TASOR2: variants seen among roughly 807,000 people sequenced by gnomAD.
TASOR2 encodes the protein protein TASOR 2.
Under a neutral mutation model 199.5 loss-of-function variants are expected in TASOR2, and 84 were observed. That is an observed-to-expected ratio of 0.42 (90% CI 0.35 to 0.50). The LOEUF (loss-of-function observed/expected upper bound fraction) is 0.50, where lower values mean the gene tolerates loss of function less well. Ranked by LOEUF, TASOR2 falls within the 20% of genes least tolerant of loss-of-function variation. The pLI, the probability that TASOR2 is intolerant of heterozygous loss-of-function variation, is 0.02. For missense variants in TASOR2, 2,796 were observed against 2,835.9 expected (o/e 0.99, Z 0.32); for synonymous variants, 1,103 against 1,046.6 (o/e 1.05, Z -1.04).
chr10:5,686,439 T>G (rs538926982), intron 1 of TASOR2, among the ~76,000 whole-genome samples: 3 of 152,230 alleles, frequency 2.0e-5, no homozygotes, highest in Non-Finnish European at 4.4e-5. Context: ...TTCATTTTTC[T>G]GTTGGTAGAC....
chr10:5,763,023 C>T lies in TASOR2; in HGVS notation c.7290-6C>T. The T allele has an allele frequency of 1.2e-6, 2 of 1,611,044 alleles. No homozygotes were observed. The highest frequency in any genetic ancestry group is 1.7e-6 in the Non-Finnish European group (2 of 1,178,818). On this transcript the variant is annotated splice_region_variant and splice_polypyrimidine_tract_variant and intron_variant, in intron 20 of 20. Coordinates refer to ENST00000328090, the Ensembl canonical transcript of TASOR2. ...GAAGTTCTTTATCAATTTTGTGTTT[C>T]TTCAGGTGACTCAACTACAGCCTGC...
chr10:5,699,852 C>A lies in TASOR2; in HGVS notation c.-287-12971C>A. 3.6e-6 allele frequency: 2 copies of A among 549,828 alleles called. No individual in the cohort carries two copies. The highest frequency in any genetic ancestry group is 4.6e-6 in the Non-Finnish European group (2 of 432,244). The allele number at this position is 549,828 out of a possible 1,614,324, so 34.1% of individuals were successfully genotyped here. ...TTTTTATTGATGCGTAATAGATGTA[C>A]ACAGTTTTAGGATACATGTGATAAT... On this transcript the variant is annotated intron_variant, in intron 1 of 20. Coordinates refer to ENST00000328090, the Ensembl canonical transcript of TASOR2. The surrounding 1 kb of genome is among the most constrained non-coding windows in gnomAD (Gnocchi z 4.1).
intron 14 of TASOR2, chr10:5,743,892 C>T (rs773363969): frequency 1.7e-4 from 6 of 35,630 alleles, no homozygotes; most frequent in Non-Finnish European, 2.7e-4. Context: ...TGTGCCTGTA[C>T]TTGAAAGGCA....
rs1167259871 is a variant in TASOR2, at chr10:5,750,304, TACAA to T, written c.6606+281_6606+284del. Among the ~76,000 whole-genome samples the T allele has an allele frequency of 6.6e-6, 1 of 152,244 alleles. No homozygotes were observed. The highest frequency in any genetic ancestry group is 2.4e-5 in the African/African-American group (1 of 41,462). Reference sequence around the variant, plus strand: ...GACATGCCCATACTTCAAGTGTAAATACAAACACATTCCGATGTTAAAATACAGA... The same window carrying T: ...GACATGCCCATACTTCAAGTGTAAATACACATTCCGATGTTAAAATACAGA... On this transcript the variant is annotated intron_variant, in intron 15 of 20. Transcript: ENST00000328090. This position sits in a 1 kb window ranked among gnomAD's most constrained non-coding sequence, Gnocchi z 5.4.
chr10:5,695,582 A>G (rs1255217511), intron 1 of TASOR2, among the ~76,000 whole-genome samples: 4 of 152,244 alleles, frequency 2.6e-5, no homozygotes, highest in Admixed American at 2.0e-4. Flanking sequence ...AATGGTAGAA[A>G]TTAAGACAGG....
At chr10:5,728,808 G>A (rs1301986728) in intron 10 of TASOR2, among the ~76,000 whole-genome samples, 1 of 152,084 alleles carries the variant, frequency 6.6e-6, no homozygotes. Context: ...CATAAAATAA[G>A]TACTCCTATA....
At position 5,751,705 on chromosome 10, in the gene TASOR2, A is replaced by G. The variant is rs1411930034; in HGVS notation, c.6606+1678A>G. Among the ~76,000 whole-genome samples the G allele has an allele frequency of 6.6e-6, 1 of 152,206 alleles. No individual in the cohort carries two copies. Among genetic ancestry groups the G allele is most frequent in the African/African-American group, 2.4e-5 (1 of 41,452 alleles). On this transcript the variant is annotated intron_variant, in intron 15 of 20. Transcript: ENST00000328090. This position sits in a 1 kb window ranked among gnomAD's most constrained non-coding sequence, Gnocchi z 5.3. ...CTGTGACTCTTTAGTGAAGAATGGC[A>G]TTTAGAACCACCATCTAGGCACTGC...
At chr10:5,749,755 C>T in exon 15 of TASOR2, 1 of 1,614,172 alleles carries the variant, frequency 6.2e-7, no homozygotes, top group African/African-American at 1.3e-5. Context: ...TTCACTTATT[C>T]TCAATGAGTA....
At chr10:5,732,467 A>G (rs537965949) in intron 11 of TASOR2, among the ~76,000 whole-genome samples, 2 of 152,364 alleles carry the variant, frequency 1.3e-5, no homozygotes, top group East Asian at 1.9e-4. Context: ...GAATTTGGAA[A>G]TGTTGGTGCC....
chr10:5,697,380 G>T (rs759261919), intron 1 of TASOR2, among the ~76,000 whole-genome samples: 16 of 152,182 alleles, frequency 1.1e-4, no homozygotes, highest in Non-Finnish European at 2.2e-4. Context: ...TTGCGCAGAA[G>T]AAGCATATTT....
chr10:5,732,382 A>G (rs567352965), intron 11 of TASOR2, among the ~76,000 whole-genome samples: 2 of 152,386 alleles, frequency 1.3e-5, no homozygotes, highest in South Asian at 4.1e-4. Context: ...CAGAAGCCAC[A>G]TGACCTTCAA....
rs1831460084 is a variant in TASOR2, at chr10:5,708,606, T to TC, written c.-287-4215dup. 1.9e-4 allele frequency among the ~76,000 whole-genome samples: 9 copies of TC among 47,122 alleles called. No individual in the cohort carries two copies. In the East Asian group the frequency reaches 0.011, roughly 58 times the overall value. The allele number at this position is 47,122 out of a possible 152,430, so 30.9% of individuals were successfully genotyped here. A position where few individuals can be genotyped will look rare whatever the true frequency, so the allele number is the denominator to read the frequency against. On this transcript the variant is annotated intron_variant, in intron 1 of 20. Transcript: ENST00000328090. The stretch of plus-strand genomic sequence containing the variant: ...TCTCTCTCTTTCTCTATCTCTTCCT[T>TC]CCTCCCTCCCTCCCTCCCTCCCTTC...
At chr10:5,695,801 A>G (rs1448860092) in intron 1 of TASOR2, among the ~76,000 whole-genome samples, 3 of 152,226 alleles carry the variant, frequency 2.0e-5, no homozygotes, top group African/African-American at 7.2e-5. Flanking sequence ...TGAAAGCTGA[A>G]GAGAGGTAAC....
At position 5,685,020 on chromosome 10, in the gene TASOR2, G is replaced by A. The variant is rs1002272325; in HGVS notation, c.-443G>A. Reference sequence around the variant, plus strand: ...GGGCGGACGGCGTGCCCCTGAGGGGGGTCCCCGCGGGAGCGCGGAGCCGGC... The same window carrying A: ...GGGCGGACGGCGTGCCCCTGAGGGGAGTCCCCGCGGGAGCGCGGAGCCGGC... On this transcript the variant is annotated 5_prime_UTR_variant, in exon 1 of 21. Transcript: ENST00000328090. This position sits in a 1 kb window ranked among gnomAD's most constrained non-coding sequence, Gnocchi z 5.4. 9 of 397,662 alleles carry A rather than the reference G, an allele frequency of 2.3e-5. No homozygotes were observed. The South Asian group carries it at 6.4e-4, about 28-fold the overall frequency. The allele number at this position is 397,662 out of a possible 1,614,324, so 24.6% of individuals were successfully genotyped here.
chr10:5,753,393 C>A (rs1004677629), intron 15 of TASOR2, among the ~76,000 whole-genome samples: 6 of 152,138 alleles, frequency 3.9e-5, no homozygotes, highest in African/African-American at 1.4e-4. Flanking sequence ...GACAGAGTCT[C>A]GCTCTGTCAC....
chr10:5,721,946 A>T lies in TASOR2; in HGVS notation c.146+976A>T, dbSNP rs151249528. Among the ~76,000 whole-genome samples the T allele has an allele frequency of 1.5e-3, 233 of 152,308 alleles. 6 individuals are homozygous for T. The highest frequency in any genetic ancestry group is 0.015 in the Admixed American group (230 of 15,300). ...TCAAAATACCCTAGTCATTGAAGTA[A>T]AGAAAAGACTGAAAAACTGTTCCAG... On this transcript the variant is annotated intron_variant, in intron 6 of 20. Coordinates refer to ENST00000328090, the Ensembl canonical transcript of TASOR2.
intron 2 of TASOR2, 140 bp from the exon 4 acceptor site, chr10:5,717,519 T>C: frequency 2.6e-6 from 1 of 384,398 alleles, no homozygotes; most frequent in Non-Finnish European, 4.6e-6. Flanking sequence ...TCCTCGTTTT[T>C]CACTGCTGCT....
rs191417458 is a variant in TASOR2 at position 5,727,950 on chromosome 10, G to A, written c.487+827G>A. ...AAATAAATGAGAGTTGACCAGTCAC[G>A]GCAGCTCACACCTGTAATCCCAGCA... is the stretch of plus-strand genomic sequence containing the variant. On this transcript the variant is annotated intron_variant, in intron 10 of 20. Transcript: ENST00000328090. 7.2e-5 allele frequency among the ~76,000 whole-genome samples: 11 copies of A among 152,162 alleles called. No individual in the cohort carries two copies. The East Asian group carries it at 1.4e-3, about 19-fold the overall frequency.
rs1305904477 is a variant in TASOR2, at chr10:5,756,489, AAGAC to A, written c.6607-122_6607-119del. 4 of 869,882 alleles carry A rather than the reference AAGAC, an allele frequency of 4.6e-6. No homozygotes were observed. The African/African-American group carries it at 6.8e-5, about 15-fold the overall frequency. 53.9% of individuals were successfully genotyped at this position (869,882 alleles called of 1,614,324 possible). On this transcript the variant is annotated intron_variant, in intron 15 of 20. Transcript: ENST00000328090. The stretch of plus-strand genomic sequence containing the variant: ...ATATAAAAGGTGCTTATTTAGTAAT[AAGAC>A]AAATTGTCATTTATGGTTGCCTTAT...
Sources: allele counts gnomAD v4.1 joint callset (sites outside exome capture counted in the v4.1 genomes callset), GRCh38; gene constraint gnomAD v4.1.1; non-coding constraint Gnocchi (gnomAD v3.1); transcripts MANE v1.5; gene names NCBI Gene and HGNC (gene_info 2026-07-23, HGNC 2026-07-21).